Variants in SFSWAP observed in about 807,000 individuals in gnomAD.
The protein encoded by SFSWAP is splicing factor SWAP.
A neutral mutation model predicts 100.7 loss-of-function variants in SFSWAP; 17 were observed. That is an observed-to-expected ratio of 0.17 (90% confidence interval 0.12 to 0.25). The LOEUF (loss-of-function observed/expected upper bound fraction) is 0.25, where lower values mean the gene tolerates loss of function less well. SFSWAP is among the 10% of genes least tolerant of loss of function. The probability of loss-of-function intolerance (pLI) is 1.00; values close to 1 mark genes in which losing one functional copy is unlikely to be tolerated. For synonymous variants in SFSWAP, 504 were observed against 510.1 expected (o/e 0.99, Z 0.16); for missense variants, 1,005 against 1,262.6 (o/e 0.80, Z 3.09).
intron 14 of SFSWAP, among the ~76,000 whole-genome samples, chr12:131,783,200 A>T (rs1416426959): frequency 6.7e-6 from 1 of 148,638 alleles, no homozygotes; most frequent in Non-Finnish European, 1.5e-5. Context: ...AAAAAAAAAG[A>T]TTAAAGTAAA....
In SFSWAP at chr12:131,753,381, C is replaced by T. The variant is rs372692358; in HGVS notation, c.1322+18C>T. 315 of 1,602,006 alleles carry T rather than the reference C, an allele frequency of 2.0e-4. No individual in the cohort carries two copies. Among genetic ancestry groups the T allele is most frequent in the Middle Eastern group, 3.3e-4 (2 of 6,002 alleles). ...ACCACAAGGTAGGTGCAGCGTCCAC[C>T]GCTGCCTGCTGTGTGAGTCACTCAG... On this transcript the variant is annotated intron_variant, in intron 8 of 17. Coordinates refer to ENST00000261674, the MANE Select transcript of SFSWAP (RefSeq NM_004592.4).
chr12:131,781,976 G>A (rs1247451469), intron 14 of SFSWAP, among the ~76,000 whole-genome samples: 2 of 152,186 alleles, frequency 1.3e-5, no homozygotes, highest in Non-Finnish European at 2.9e-5. Context: ...CCCTCCACAG[G>A]GCCAAGGGCA....
In SFSWAP at chr12:131,778,371, C is replaced by T. The variant is rs778452411; in HGVS notation, c.2408+41C>T. 4 of 1,588,218 alleles carry T rather than the reference C, an allele frequency of 2.5e-6. No homozygotes were observed. The highest frequency in any genetic ancestry group is 3.4e-6 in the Non-Finnish European group (4 of 1,167,970). On this transcript the variant is annotated intron_variant, in intron 14 of 17. Coordinates refer to ENST00000261674, the MANE Select transcript of SFSWAP (RefSeq NM_004592.4). The surrounding 1 kb of genome is among the most constrained non-coding windows in gnomAD (Gnocchi z 4.2). ...GCAGCACCTCTGGTACCCTCATGAC[C>T]CCCATGTCCTTCACAGGACACCCAG...
intron 6 of SFSWAP, 72 bp downstream of exon 6, chr12:131,727,124 T>A: frequency 1.2e-6 from 1 of 825,878 alleles, no homozygotes; most frequent in African/African-American, 1.7e-5. Context: ...TTGGAAAATT[T>A]GAAGCATGTC....
At chr12:131,717,846 T>G (rs1878074143) in intron 3 of SFSWAP, among the ~76,000 whole-genome samples, 1 of 152,202 alleles carries the variant, frequency 6.6e-6, no homozygotes, top group African/African-American at 2.4e-5. Flanking sequence ...TTCTTGTGCT[T>G]TAGCCTCCCA....
At chr12:131,777,982 G>A in intron 13 of SFSWAP, 83 bp from the exon 14 acceptor site, 4 of 1,530,776 alleles carry the variant, frequency 2.6e-6, no homozygotes, top group Non-Finnish European at 3.5e-6. Flanking sequence ...TGGTGTGAGG[G>A]GCCCAAAGTT....
chr12:131,746,827 G>A (rs969659842), intron 7 of SFSWAP, among the ~76,000 whole-genome samples: 5 of 152,268 alleles, frequency 3.3e-5, no homozygotes, highest in South Asian at 4.1e-4. Context: ...CATGCTGGCC[G>A]GGCATGCTGG....
At chr12:131,775,166 G>A (rs576988609) in intron 13 of SFSWAP, among the ~76,000 whole-genome samples, 73 of 152,324 alleles carry the variant, frequency 4.8e-4, no homozygotes, top group African/African-American at 1.6e-3. Context: ...TTTTGTGAGC[G>A]TGGAGAGAGT....
At chr12:131,773,213 T>C (rs1439983845) in intron 13 of SFSWAP, among the ~76,000 whole-genome samples, 1 of 152,206 alleles carries the variant, frequency 6.6e-6, no homozygotes, top group African/African-American at 2.4e-5. Flanking sequence ...ACATTCTCTC[T>C]TCATTCCTAG....
In SFSWAP at chr12:131,734,541, CAT is replaced by C. The variant is rs138507575; in HGVS notation, c.1081+6114_1081+6115del. Reference sequence around the variant, plus strand: ...CTGTTACGGTTTTGAGTTACACAGACATGTGTGGGCTTGTGCATGTTTGAATG... The same window carrying C: ...CTGTTACGGTTTTGAGTTACACAGACGTGTGGGCTTGTGCATGTTTGAATG... On this transcript the variant is annotated intron_variant, in intron 7 of 17. Transcript: ENST00000261674. This position sits in a 1 kb window ranked among gnomAD's most constrained non-coding sequence, Gnocchi z 4.9. Among the ~76,000 whole-genome samples the C allele has an allele frequency of 0.012, 1,763 of 152,276 alleles. 25 individuals carry two copies. The highest frequency in any genetic ancestry group is 0.039 in the African/African-American group (1,638 of 41,542).
intron 7 of SFSWAP, among the ~76,000 whole-genome samples, chr12:131,740,961 T>TTTTTC (rs1880555027): frequency 7.4e-6 from 1 of 135,038 alleles, no homozygotes; most frequent in African/African-American, 2.6e-5. Flanking sequence ...TTTTTTCTTT[T>TTTTTC]TTTTCTTTTT....
chr12:131,752,467 A>G (rs1338500845), intron 7 of SFSWAP, among the ~76,000 whole-genome samples: 1 of 152,232 alleles, frequency 6.6e-6, no homozygotes, highest in Non-Finnish European at 1.5e-5. Flanking sequence ...TGCACAGCAT[A>G]GGTGGCAAGA....
chr12:131,717,973 C>T (rs1229958779), intron 3 of SFSWAP, among the ~76,000 whole-genome samples: 4 of 152,152 alleles, frequency 2.6e-5, no homozygotes, highest in East Asian at 1.9e-4. Flanking sequence ...TCAAGTGATC[C>T]GCCTGCCTCG....
intron 7 of SFSWAP, among the ~76,000 whole-genome samples, chr12:131,750,272 G>A (rs1881501524): frequency 6.6e-6 from 1 of 152,240 alleles, no homozygotes; most frequent in Non-Finnish European, 1.5e-5. Flanking sequence ...TTCCCGGGCT[G>A]CCTCCGAGCA....
chr12:131,787,368 C>T (rs1190976558), intron 15 of SFSWAP, among the ~76,000 whole-genome samples: 1 of 152,206 alleles, frequency 6.6e-6, no homozygotes, highest in Non-Finnish European at 1.5e-5. Context: ...CCCTCTCGGC[C>T]GTGGGGGTGC....
rs574830427 is a variant in SFSWAP at position 131,779,135 on chromosome 12, G to A, written c.2408+805G>A. Reference sequence around the variant, plus strand: ...CGGTGCCACACTCTGCACACACTTCGTGTGGCACCGGTGAGCGTGTGTGCA... The same window carrying A: ...CGGTGCCACACTCTGCACACACTTCATGTGGCACCGGTGAGCGTGTGTGCA... On this transcript the variant is annotated intron_variant, in intron 14 of 17. Transcript: ENST00000261674. 1.1e-4 allele frequency among the ~76,000 whole-genome samples: 16 copies of A among 149,126 alleles called. No individual in the cohort carries two copies. In the East Asian group the frequency reaches 1.3e-3, roughly 12 times the overall value.
chr12:131,754,345 T>A, intron 8 of SFSWAP, 23 bp from the exon 9 acceptor site: 1 of 1,485,958 alleles, frequency 6.7e-7, no homozygotes, highest in Non-Finnish European at 9.0e-7. Flanking sequence ...AGCCCAGGGG[T>A]CTCACAGACT....
In SFSWAP at chr12:131,714,997, G is replaced by T; in HGVS notation, c.520+44G>T. On this transcript the variant is annotated intron_variant, in intron 3 of 17. Coordinates refer to ENST00000261674, the MANE Select transcript of SFSWAP (RefSeq NM_004592.4). This position sits in a 1 kb window ranked among gnomAD's most constrained non-coding sequence, Gnocchi z 6.0. ...GGACTGCTGGTGTAGGGCTACACGTGTACGCACAGGCTGCATGCACCGTGG... is the reference window on the plus strand; with the variant it reads ...GGACTGCTGGTGTAGGGCTACACGTTTACGCACAGGCTGCATGCACCGTGG... 6.2e-7 allele frequency: 1 copy of T among 1,607,596 alleles called. No homozygotes were observed.
chr12:131,764,270 C>T (rs921275616), intron 11 of SFSWAP, among the ~76,000 whole-genome samples, 186 bp from the exon 12 acceptor site: 3 of 152,214 alleles, frequency 2.0e-5, no homozygotes, highest in Admixed American at 1.3e-4. Context: ...CCCAGCCCCA[C>T]GCCATGCAGT....
Sources: allele counts gnomAD v4.1 joint callset (sites outside exome capture counted in the v4.1 genomes callset), GRCh38; gene constraint gnomAD v4.1.1; non-coding constraint Gnocchi (gnomAD v3.1); transcripts MANE v1.5; gene names NCBI Gene and HGNC (gene_info 2026-07-23, HGNC 2026-07-21).